Variants in NRG3 observed in about 807,000 individuals in gnomAD.
The protein encoded by NRG3 is neuregulin 3.
In NRG3, 31 loss-of-function variants were observed where a neutral mutation model predicts 66.9. That is an observed-to-expected ratio of 0.46 (90% CI 0.35 to 0.63). NRG3 has a LOEUF of 0.63. NRG3 is among the 20% of genes least tolerant of loss of function. The probability of loss-of-function intolerance (pLI) is 0.00; values close to 1 mark genes in which losing one functional copy is unlikely to be tolerated. For synonymous variants in NRG3, 393 were observed against 359.4 expected, an observed-to-expected ratio of 1.09 and a Z score of -1.06; for missense variants, 910 against 878.9, an observed-to-expected ratio of 1.04 and a Z score of -0.45.
At chr10:81,937,097 A>G (rs778686041) in intron 1 of NRG3, among the ~76,000 whole-genome samples, 9 of 152,190 alleles carry the variant, frequency 5.9e-5, no homozygotes, top group Non-Finnish European at 8.8e-5. Context: ...GTTGTAGCAT[A>G]TAACAGGATT....
chr10:82,960,874 A>G (rs1332771470), intron 6 of NRG3, among the ~76,000 whole-genome samples: 1 of 151,924 alleles, frequency 6.6e-6, no homozygotes, highest in Non-Finnish European at 1.5e-5. Context: ...CAAACTTTAT[A>G]AAACGGCCCC....
chr10:81,948,222 C>T (rs1849020304), intron 1 of NRG3, among the ~76,000 whole-genome samples: 1 of 152,084 alleles, frequency 6.6e-6, no homozygotes, highest in Admixed American at 6.6e-5. Context: ...TTTTTAGATT[C>T]ACAACAACAT....
intron 1 of NRG3, among the ~76,000 whole-genome samples, chr10:82,250,743 A>G (rs1475233999): frequency 6.6e-6 from 1 of 152,200 alleles, no homozygotes. Flanking sequence ...AGCAGTGATC[A>G]TTTAATTGTC....
Position 82,148,898 on chromosome 10 carries a change from C to T in NRG3, c.824-209841C>T, listed in dbSNP as rs2070465668. Among the ~76,000 whole-genome samples, 8 of 152,022 alleles carry T rather than the reference C, an allele frequency of 5.3e-5. No individual in the cohort carries two copies. The South Asian group carries it at 1.7e-3, about 32-fold the overall frequency. ...GCTTGCCTGTCCTGCTTGCCTATCA[C>T]TCACTGAATTTCAGGGAGCCAAACT... On this transcript the variant is annotated intron_variant, in intron 1 of 8. Coordinates refer to ENST00000372141, the MANE Select transcript of NRG3 (RefSeq NM_001010848.4).
Position 82,262,283 on chromosome 10 carries a change from C to T in NRG3, c.824-96456C>T, listed in dbSNP as rs149091862. On this transcript the variant is annotated intron_variant, in intron 1 of 8. Transcript: ENST00000372141. ...CAGACAAGGATTGGTTGGTAGGACA[C>T]GGAGTAGTGACAATCCTGACATGCC... Among the ~76,000 whole-genome samples, 12 of 152,256 alleles carry T rather than the reference C, an allele frequency of 7.9e-5. 1 individual carries two copies. In the East Asian group the frequency reaches 1.4e-3, roughly 17 times the overall value.
intron 2 of NRG3, among the ~76,000 whole-genome samples, chr10:82,628,759 G>A (rs988587675): frequency 2.6e-5 from 4 of 152,184 alleles, no homozygotes; most frequent in Non-Finnish European, 5.9e-5. Context: ...ACGGAAGTAG[G>A]AGTGCAATTG....
intron 2 of NRG3, among the ~76,000 whole-genome samples, chr10:82,465,150 G>C (rs978396589): frequency 6.6e-6 from 1 of 152,166 alleles, no homozygotes; most frequent in Admixed American, 6.5e-5. Context: ...ACGATAATGG[G>C]GCTATTAACT....
chr10:82,751,573 T>G (rs528621416), intron 3 of NRG3, among the ~76,000 whole-genome samples: 1 of 152,242 alleles, frequency 6.6e-6, no homozygotes, highest in African/African-American at 2.4e-5. Context: ...CAAGTAACAT[T>G]TATTAACAAC....
At chr10:82,204,289 TCTTATA>T (rs2075002974) in intron 1 of NRG3, among the ~76,000 whole-genome samples, 1 of 152,230 alleles carries the variant, frequency 6.6e-6, no homozygotes. Context: ...AAGGTTTCTT[TCTTATA>T]CTTATCACAG....
intron 3 of NRG3, among the ~76,000 whole-genome samples, chr10:82,843,533 C>T (rs2135769084): frequency 6.6e-6 from 1 of 152,140 alleles, no homozygotes; most frequent in African/African-American, 2.4e-5. Flanking sequence ...AAGGAAAATG[C>T]CAACATAAAA....
intron 3 of NRG3, among the ~76,000 whole-genome samples, chr10:82,787,139 G>T (rs996519126): frequency 6.6e-6 from 1 of 152,030 alleles, no homozygotes; most frequent in Non-Finnish European, 1.5e-5. Flanking sequence ...TGTTTCTTAT[G>T]CTTCTGCATT....
intron 3 of NRG3, among the ~76,000 whole-genome samples, chr10:82,812,374 C>G (rs2061525276): frequency 1.3e-5 from 2 of 152,068 alleles, no homozygotes; most frequent in South Asian, 4.1e-4. Flanking sequence ...TTACTAGAAC[C>G]AACCAACCAA....
rs1223133598 is a variant in NRG3, at chr10:82,985,667, T to C, written c.*62T>C. ...TCAACAGGAAAGAGAGGAAATCAAATACAAATTATTTATATGCATTAATTT... is the reference window on the plus strand; with the variant it reads ...TCAACAGGAAAGAGAGGAAATCAAACACAAATTATTTATATGCATTAATTT... On this transcript the variant is annotated 3_prime_UTR_variant, in exon 9 of 9. Transcript: ENST00000372141. 32 of 1,519,660 alleles carry C rather than the reference T, an allele frequency of 2.1e-5. No individual in the cohort carries two copies. The highest frequency in any genetic ancestry group is 2.8e-5 in the Non-Finnish European group (32 of 1,135,688). The allele number at this position is 1,519,660 out of a possible 1,614,324, so 94.1% of individuals were successfully genotyped here.
At chr10:82,355,362 C>T (rs1169470567) in intron 1 of NRG3, among the ~76,000 whole-genome samples, 1 of 152,080 alleles carries the variant, frequency 6.6e-6, no homozygotes, top group African/African-American at 2.4e-5. Context: ...AGAATTGCAC[C>T]TTACATTTTA....
chr10:82,949,170 G>A (rs1253055982), intron 4 of NRG3, among the ~76,000 whole-genome samples: 1 of 151,964 alleles, frequency 6.6e-6, no homozygotes, highest in Non-Finnish European at 1.5e-5. Context: ...TGTAAAAATG[G>A]TGAATCACAT....
chr10:81,878,090 C>T, intron 1 of NRG3: 2 of 1,530,314 alleles, frequency 1.3e-6, no homozygotes, highest in East Asian at 2.5e-5. Context: ...TAAAGAAAAG[C>T]CCAAGGTAAT....
At chr10:82,578,441 A>G (rs2046163388) in intron 2 of NRG3, among the ~76,000 whole-genome samples, 1 of 151,200 alleles carries the variant, frequency 6.6e-6, no homozygotes, top group South Asian at 2.1e-4. Flanking sequence ...AAGTAAACAA[A>G]TAAGTATTGC....
intron 1 of NRG3, among the ~76,000 whole-genome samples, chr10:82,193,734 A>T (rs1356893240): frequency 1.3e-5 from 2 of 152,202 alleles, no homozygotes; most frequent in African/African-American, 4.8e-5. Context: ...GGAAGTCTTT[A>T]AAAAAGAACA....
intron 2 of NRG3, among the ~76,000 whole-genome samples, chr10:82,662,219 A>C (rs562249945): frequency 6.6e-6 from 1 of 150,734 alleles, no homozygotes; most frequent in Non-Finnish European, 1.5e-5. Context: ...TTATATATGA[A>C]TACAAAGCAA....
Sources: gnomAD v4.1 joint callset for allele counts (sites outside exome capture counted in the v4.1 genomes callset) on GRCh38, gnomAD v4.1.1 for gene constraint, MANE v1.5 for transcripts, NCBI Gene and HGNC (gene_info 2026-07-23, HGNC 2026-07-21) for gene names.